ACVR2A: variants seen among roughly 807,000 people sequenced by gnomAD.
The protein encoded by ACVR2A is activin A receptor type 2A, also known as activin receptor type-2A.
In ACVR2A, 7 loss-of-function variants were observed where a neutral mutation model predicts 61.4. The observed-to-expected ratio is 0.11, with a 90% CI of 0.06 to 0.21. The LOEUF (loss-of-function observed/expected upper bound fraction) is 0.21, where lower values mean the gene tolerates loss of function less well. ACVR2A is among the 10% of genes least tolerant of loss of function. The probability of loss-of-function intolerance (pLI) is 1.00; values close to 1 mark genes in which losing one functional copy is unlikely to be tolerated. For synonymous variants in ACVR2A, 193 were observed against 208.3 expected, an observed-to-expected ratio of 0.93 and a Z score of 0.63; for missense variants, 322 against 621.7, an observed-to-expected ratio of 0.52 and a Z score of 5.13.
chr2:147,868,136 C>T (rs138074097), intron 1 of ACVR2A, among the ~76,000 whole-genome samples: 2 of 152,252 alleles, frequency 1.3e-5, no homozygotes, highest in Non-Finnish European at 2.9e-5. Context: ...CTGGTGGAAT[C>T]GGCGCCCAGT....
intron 2 of ACVR2A, chr2:147,898,271 T>C (rs1686789720): frequency 6.6e-6 from 1 of 152,064 alleles, no homozygotes; most frequent in African/African-American, 2.4e-5. Context: ...GAAAAGAAGA[T>C]TCAAGAATTG....
intron 3 of ACVR2A, 36 bp from the exon 4 acceptor site, chr2:147,899,708 C>T (rs1686826848): frequency 1.2e-6 from 2 of 1,608,040 alleles, no homozygotes; most frequent in Non-Finnish European, 1.7e-6. Flanking sequence ...ATTTTGTAGA[C>T]CAAATCTGAG....
At chr2:147,916,043 A>T (rs1292013116) in intron 5 of ACVR2A, among the ~76,000 whole-genome samples, 1 of 151,832 alleles carries the variant, frequency 6.6e-6, no homozygotes, top group Non-Finnish European at 1.5e-5. Flanking sequence ...AGGCTCTACC[A>T]CCATACTTAG....
At chr2:147,850,618 G>A (rs1050947797) in intron 1 of ACVR2A, among the ~76,000 whole-genome samples, 1 of 152,060 alleles carries the variant, frequency 6.6e-6, no homozygotes, top group Non-Finnish European at 1.5e-5. Flanking sequence ...ATTTAATTCT[G>A]TTAGATTGTA....
intron 1 of ACVR2A, among the ~76,000 whole-genome samples, chr2:147,848,386 G>A (rs569878758): frequency 2.0e-5 from 3 of 152,090 alleles, no homozygotes; most frequent in African/African-American, 4.8e-5. Flanking sequence ...CCATCCATGG[G>A]ACATTTGGAG....
chr2:147,854,768 A>C (rs1685528818), intron 1 of ACVR2A, among the ~76,000 whole-genome samples: 1 of 152,278 alleles, frequency 6.6e-6, no homozygotes, highest in Non-Finnish European at 1.5e-5. Flanking sequence ...GTAAGTAGTC[A>C]AATGAACAAC....
chr2:147,917,226 A>ATGGTTTAT (rs1224173488), intron 5 of ACVR2A, 57 bp from the exon 6 acceptor site: 1 of 1,541,786 alleles, frequency 6.5e-7, no homozygotes, highest in Non-Finnish European at 8.8e-7. Context: ...TCTCTTATGC[A>ATGGTTTAT]TGGTTTATTA....
At chr2:147,849,202 A>C (rs1685390746) in intron 1 of ACVR2A, among the ~76,000 whole-genome samples, 1 of 152,122 alleles carries the variant, frequency 6.6e-6, no homozygotes, top group Non-Finnish European at 1.5e-5. Flanking sequence ...ATGATTGGTT[A>C]AGGTATCAAG....
chr2:147,904,445 A>C (rs910774218), intron 4 of ACVR2A, among the ~76,000 whole-genome samples: 1 of 152,022 alleles, frequency 6.6e-6, no homozygotes, highest in Non-Finnish European at 1.5e-5. Context: ...GAAATGACCT[A>C]CCTTTAACAA....
rs1389206338 is a variant in ACVR2A at position 147,864,373 on chromosome 2, G to A, written c.55+19166G>A. Among the ~76,000 whole-genome samples the A allele has an allele frequency of 2.0e-5, 3 of 152,018 alleles. No individual in the cohort carries two copies. In the East Asian group the frequency reaches 5.8e-4, roughly 29 times the overall value. On this transcript the variant is annotated intron_variant, in intron 1 of 10. Coordinates refer to ENST00000241416, the MANE Select transcript of ACVR2A (RefSeq NM_001616.5). Reference sequence around the variant, plus strand: ...GCCTCCTAAGTAGCTGGGATTACATGCGCGCTCTACAACGCCCCGCTAATT... The same window carrying A: ...GCCTCCTAAGTAGCTGGGATTACATACGCGCTCTACAACGCCCCGCTAATT...
At chr2:147,868,022 T>G (rs1475206584) in intron 1 of ACVR2A, among the ~76,000 whole-genome samples, 1 of 152,216 alleles carries the variant, frequency 6.6e-6, no homozygotes, top group Non-Finnish European at 1.5e-5. Context: ...ATTTACTGAT[T>G]GTTACACTTT....
intron 4 of ACVR2A, among the ~76,000 whole-genome samples, chr2:147,910,647 G>T (rs540958113): frequency 2.6e-5 from 4 of 152,162 alleles, no homozygotes; most frequent in East Asian, 3.9e-4. Flanking sequence ...TCCATTGGAG[G>T]AATTCTCAGC....
At chr2:147,850,884 G>T in intron 1 of ACVR2A, among the ~76,000 whole-genome samples, 1 of 152,086 alleles carries the variant, frequency 6.6e-6, no homozygotes, top group East Asian at 1.9e-4. Flanking sequence ...CTCTGAGATT[G>T]GATTTTTTGA....
intron 1 of ACVR2A, among the ~76,000 whole-genome samples, chr2:147,890,949 A>G (rs796307137): frequency 1.3e-5 from 2 of 152,174 alleles, no homozygotes; most frequent in Non-Finnish European, 1.5e-5. Flanking sequence ...TATGAAAAAT[A>G]CCACTCTAGT....
intron 1 of ACVR2A, among the ~76,000 whole-genome samples, chr2:147,888,384 T>TTATGTTCAA (rs1359241925): frequency 6.6e-6 from 1 of 152,212 alleles, no homozygotes; most frequent in Non-Finnish European, 1.5e-5. Flanking sequence ...ATTGACATCT[T>TTATGTTCAA]TATGTTCAAT....
intron 6 of ACVR2A, among the ~76,000 whole-genome samples, chr2:147,918,082 GC>G: frequency 6.6e-6 from 1 of 151,212 alleles, no homozygotes; most frequent in Non-Finnish European, 1.5e-5. Context: ...TTTGTGTTCT[GC>G]TAGTCCCATG....
intron 4 of ACVR2A, among the ~76,000 whole-genome samples, chr2:147,914,298 T>A (rs552995620): frequency 6.6e-6 from 1 of 152,018 alleles, no homozygotes; most frequent in Non-Finnish European, 1.5e-5. Flanking sequence ...AAAGGCTTCC[T>A]GCATCTTGCT....
intron 1 of ACVR2A, among the ~76,000 whole-genome samples, chr2:147,868,548 T>C (rs1376371434): frequency 6.6e-6 from 1 of 152,084 alleles, no homozygotes. Flanking sequence ...TCTGGAAGTA[T>C]CTGATGTGGA....
intron 4 of ACVR2A, among the ~76,000 whole-genome samples, chr2:147,914,473 C>CT (rs1481580785): frequency 3.3e-5 from 5 of 151,988 alleles, no homozygotes; most frequent in African/African-American, 1.2e-4. Flanking sequence ...TTACCATATC[C>CT]TGTTATCTAC....
Sources: allele counts gnomAD v4.1 joint callset (sites outside exome capture counted in the v4.1 genomes callset), GRCh38; gene constraint gnomAD v4.1.1; transcripts MANE v1.5; gene names NCBI Gene and HGNC (gene_info 2026-07-23, HGNC 2026-07-21).